The following DNER variants were observed in gnomAD, a reference collection of about 807,000 sequenced individuals.
DNER encodes the protein delta and Notch-like epidermal growth factor-related receptor.
In DNER, 33 loss-of-function variants were observed where a neutral mutation model predicts 78.2. The observed-to-expected ratio is 0.42, with a 90% CI of 0.32 to 0.56. The LOEUF (loss-of-function observed/expected upper bound fraction) is 0.56, where lower values mean the gene tolerates loss of function less well. DNER is among the 20% of genes least tolerant of loss of function. The pLI is 0.11. For synonymous variants in DNER, 417 were observed against 384.8 expected, an observed-to-expected ratio of 1.08 and a Z score of -0.98; for missense variants, 918 against 975.3, an observed-to-expected ratio of 0.94 and a Z score of 0.78.
chr2:229,367,865 G>A (rs565070684), intron 11 of DNER, among the ~76,000 whole-genome samples: 3 of 152,256 alleles, frequency 2.0e-5, no homozygotes, highest in African/African-American at 2.4e-5. Context: ...GATTTATGCT[G>A]GGGAAGTAGC....
At chr2:229,388,527 T>C in intron 10 of DNER, 131 bp from the exon 11 acceptor site, 3 of 1,103,114 alleles carry the variant, frequency 2.7e-6, no homozygotes, top group Non-Finnish European at 3.5e-6. Flanking sequence ...GCTGTTTGTA[T>C]AAAGTGCAGA....
chr2:229,696,172 C>T (rs972815261), intron 1 of DNER, among the ~76,000 whole-genome samples: 6 of 152,134 alleles, frequency 3.9e-5, no homozygotes, highest in Non-Finnish European at 8.8e-5. Context: ...CACAGGGGGT[C>T]CCACCCCCAG....
intron 5 of DNER, among the ~76,000 whole-genome samples, chr2:229,540,863 A>G (rs931848629): frequency 1.3e-5 from 2 of 152,204 alleles, no homozygotes; most frequent in Non-Finnish European, 1.5e-5. Context: ...ATCCTAATAG[A>G]TTAAGGATGG....
At chr2:229,708,805 T>C (rs1391441166) in intron 1 of DNER, among the ~76,000 whole-genome samples, 4 of 152,212 alleles carry the variant, frequency 2.6e-5, no homozygotes, top group Admixed American at 2.6e-4. Flanking sequence ...CTCCTAAGAA[T>C]GCAGCAAGAA....
At chr2:229,366,735 C>T in intron 12 of DNER, 138 bp downstream of exon 12, 1 of 1,345,522 alleles carries the variant, frequency 7.4e-7, no homozygotes, top group Non-Finnish European at 1.0e-6. Flanking sequence ...ATGATCTATC[C>T]CCAAATACAA....
chr2:229,677,978 G>A (rs964528292), intron 1 of DNER, among the ~76,000 whole-genome samples: 1 of 152,148 alleles, frequency 6.6e-6, no homozygotes, highest in African/African-American at 2.4e-5. Context: ...CTCAGTACAT[G>A]GGGAAAGAAG....
intron 5 of DNER, among the ~76,000 whole-genome samples, chr2:229,543,276 T>C (rs1696553721): frequency 6.6e-6 from 1 of 152,230 alleles, no homozygotes; most frequent in Non-Finnish European, 1.5e-5. Flanking sequence ...TTCGCTTTTT[T>C]TCACATTTGA....
chr2:229,507,998 T>C (rs1282119032), intron 6 of DNER, among the ~76,000 whole-genome samples: 4 of 152,022 alleles, frequency 2.6e-5, no homozygotes, highest in Non-Finnish European at 5.9e-5. Flanking sequence ...GTATCAAAAA[T>C]AAAGAATTCT....
intron 7 of DNER, among the ~76,000 whole-genome samples, chr2:229,462,702 T>C (rs573031385): frequency 6.6e-6 from 1 of 152,258 alleles, no homozygotes; most frequent in South Asian, 2.1e-4. Context: ...ATGTTAATAT[T>C]ATCATGACTT....
At chr2:229,614,943 T>C (rs1313616707) in intron 1 of DNER, among the ~76,000 whole-genome samples, 1 of 152,252 alleles carries the variant, frequency 6.6e-6, no homozygotes, top group African/African-American at 2.4e-5. Context: ...GATTAGGAAC[T>C]AATCTACGAA....
chr2:229,380,897 C>T (rs1692720505), intron 11 of DNER, among the ~76,000 whole-genome samples: 2 of 151,770 alleles, frequency 1.3e-5, no homozygotes, highest in African/African-American at 4.8e-5. Flanking sequence ...TGCACTCCAG[C>T]CTGGACACAG....
chr2:229,456,998 A>T (rs939433063), intron 7 of DNER, among the ~76,000 whole-genome samples: 4 of 152,162 alleles, frequency 2.6e-5, no homozygotes, highest in African/African-American at 7.2e-5. Context: ...ACAGAAGCAT[A>T]AGATAACAAA....
chr2:229,458,033 G>A (rs111293120), intron 7 of DNER, among the ~76,000 whole-genome samples: 4,793 of 143,804 alleles, frequency 0.033, 114 homozygotes, highest in Non-Finnish European at 0.054. Flanking sequence ...CTACTGGGGC[G>A]GCTAAGGCAG....
intron 3 of DNER, among the ~76,000 whole-genome samples, chr2:229,587,357 G>A (rs1046506227): frequency 1.3e-5 from 2 of 152,146 alleles, no homozygotes; most frequent in African/African-American, 2.4e-5. Context: ...CGTTCCTCCT[G>A]AGCCCAGGAA....
At chr2:229,441,995 G>T (rs949537919) in intron 8 of DNER, among the ~76,000 whole-genome samples, 2 of 152,164 alleles carry the variant, frequency 1.3e-5, no homozygotes, top group Non-Finnish European at 2.9e-5. Context: ...CACAGATTAT[G>T]AAGAGTAAAG....
At chr2:229,522,787 G>A (rs889602918) in intron 5 of DNER, among the ~76,000 whole-genome samples, 1 of 152,166 alleles carries the variant, frequency 6.6e-6, no homozygotes, top group Admixed American at 6.5e-5. Flanking sequence ...AAAGCCGATG[G>A]GGACGGAACA....
chr2:229,472,742 G>A (rs1245240192), intron 7 of DNER, among the ~76,000 whole-genome samples: 1 of 152,064 alleles, frequency 6.6e-6, no homozygotes, highest in African/African-American at 2.4e-5. Flanking sequence ...TCAATTAGGT[G>A]GATATTAGAA....
At chr2:229,602,765 A>G (rs369117460) in intron 1 of DNER, among the ~76,000 whole-genome samples, 1 of 152,340 alleles carries the variant, frequency 6.6e-6, no homozygotes, top group African/African-American at 2.4e-5. Flanking sequence ...CATGATCTCA[A>G]TGAAGATAAT....
intron 6 of DNER, among the ~76,000 whole-genome samples, chr2:229,479,712 C>CAA (rs1023070502): frequency 5.4e-4 from 43 of 79,622 alleles, no homozygotes; most frequent in East Asian, 1.8e-3. Flanking sequence ...GACTTTGTCT[C>CAA]AAAAAAAAAA....
Sources: allele counts gnomAD v4.1 joint callset (sites outside exome capture counted in the v4.1 genomes callset), GRCh38; gene constraint gnomAD v4.1.1; transcripts MANE v1.5; gene names NCBI Gene and HGNC (gene_info 2026-07-23, HGNC 2026-07-21).